Variants in PCYT1B observed in about 807,000 individuals in gnomAD.
The protein encoded by PCYT1B is choline-phosphate cytidylyltransferase B.
In PCYT1B, 10 loss-of-function variants were observed where a neutral mutation model predicts 26.4. That is an observed-to-expected ratio of 0.38 (90% CI 0.23 to 0.64). The LOEUF (loss-of-function observed/expected upper bound fraction) is 0.64. Among genes scored for constraint, PCYT1B ranks in the 30% least tolerant of loss-of-function variants. PCYT1B has a pLI of 0.56. For missense variants in PCYT1B, 161 were observed against 292.7 expected (o/e 0.55, Z 3.28); for synonymous variants, 131 against 108.4 (o/e 1.21, Z -1.29).
intron 7 of PCYT1B, among the ~76,000 whole-genome samples, chrX:24,563,642 G>A (rs761316993): frequency 1.8e-5 from 2 of 111,516 alleles, no homozygotes; most frequent in East Asian, 5.6e-4. Context: ...GGAGGCCATC[G>A]TGGCAGTATG....
intron 1 of PCYT1B, among the ~76,000 whole-genome samples, chrX:24,630,051 T>C (rs1926018092): frequency 9.0e-6 from 1 of 111,531 alleles, no homozygotes; most frequent in South Asian, 3.7e-4. Flanking sequence ...AATGCATAGA[T>C]GCTATTAACA....
At chrX:24,643,632 A>ACT (rs1926531582) in intron 1 of PCYT1B, among the ~76,000 whole-genome samples, 1 of 112,440 alleles carries the variant, frequency 8.9e-6, no homozygotes, top group Non-Finnish European at 1.9e-5. Context: ...CTAATGAAGA[A>ACT]TAAGGCAGGT....
At chrX:24,570,345 C>A (rs1403592711) in intron 7 of PCYT1B, among the ~76,000 whole-genome samples, 1 of 108,265 alleles carries the variant, frequency 9.2e-6, no homozygotes, top group African/African-American at 3.4e-5. Context: ...CCTCCGCCTC[C>A]CGGGTTCAAG....
intron 7 of PCYT1B, among the ~76,000 whole-genome samples, chrX:24,562,863 G>A (rs1268114997): frequency 9.1e-6 from 1 of 109,853 alleles, no homozygotes; most frequent in Non-Finnish European, 1.9e-5. Flanking sequence ...AAGTAGCTGG[G>A]ATTACAGGTG....
chrX:24,591,932 C>G (rs1159838650), intron 3 of PCYT1B, among the ~76,000 whole-genome samples: 1 of 111,125 alleles, frequency 9.0e-6, no homozygotes, highest in Non-Finnish European at 1.9e-5. Context: ...TGTCTTATAG[C>G]TATTTTGAAA....
intron 1 of PCYT1B, among the ~76,000 whole-genome samples, chrX:24,632,887 TAAC>T (rs759707411): frequency 2.7e-5 from 3 of 111,548 alleles, no homozygotes; most frequent in Non-Finnish European, 5.7e-5. Context: ...TGATTATAGT[TAAC>T]AACAATGTAT....
intron 1 of PCYT1B, among the ~76,000 whole-genome samples, chrX:24,641,651 G>A (rs1402488824): frequency 8.9e-6 from 1 of 112,398 alleles, no homozygotes; most frequent in Non-Finnish European, 1.9e-5. Flanking sequence ...TGTATTGCAA[G>A]CACAATATAC....
chrX:24,625,310 T>A (rs889075718), intron 1 of PCYT1B, among the ~76,000 whole-genome samples: 3 of 112,333 alleles, frequency 2.7e-5, no homozygotes, highest in African/African-American at 9.7e-5. Context: ...TTATATTTAC[T>A]TGTTTCTGAA....
intron 1 of PCYT1B, among the ~76,000 whole-genome samples, chrX:24,672,076 C>T (rs1192104484): frequency 1.8e-5 from 2 of 111,724 alleles, no homozygotes; most frequent in Non-Finnish European, 3.8e-5. Flanking sequence ...GCAGGAGAAT[C>T]GCTTGAACCC....
chrX:24,580,447 A>G (rs1361885735), intron 5 of PCYT1B, among the ~76,000 whole-genome samples: 4 of 112,174 alleles, frequency 3.6e-5, no homozygotes, highest in Non-Finnish European at 7.5e-5. Flanking sequence ...TCTGATCTAA[A>G]GGCATGCCTG....
chrX:24,632,474 C>G (rs1214688375), intron 1 of PCYT1B: 1 of 145,815 alleles, frequency 6.9e-6, no homozygotes, highest in Non-Finnish European at 1.5e-5. Flanking sequence ...ATTCCTGATG[C>G]ATTACAAGTA....
chrX:24,610,810 C>T (rs1925285043), intron 2 of PCYT1B, among the ~76,000 whole-genome samples: 1 of 111,135 alleles, frequency 9.0e-6, no homozygotes, highest in African/African-American at 3.3e-5. Flanking sequence ...CCTGATCTTT[C>T]ATCTCTTCAA....
upstream of PCYT1B, among the ~76,000 whole-genome samples, chrX:24,647,598 C>T (rs1014612656): frequency 8.9e-6 from 1 of 112,340 alleles, no homozygotes; most frequent in Non-Finnish European, 1.9e-5. Flanking sequence ...CCTAGGACGC[C>T]TTGAGAAACA....
chrX:24,616,178 G>T (rs1480021313), intron 2 of PCYT1B, among the ~76,000 whole-genome samples: 1 of 105,368 alleles, frequency 9.5e-6, no homozygotes, highest in African/African-American at 3.5e-5. Context: ...TGGGCCTGAT[G>T]CTCACCCTTT....
intron 7 of PCYT1B, among the ~76,000 whole-genome samples, chrX:24,574,364 A>G (rs1466207050): frequency 9.0e-6 from 1 of 111,657 alleles, no homozygotes; most frequent in Non-Finnish European, 1.9e-5. Context: ...GGCATGCACA[A>G]TAGAAATACC....
At chrX:24,582,665 T>A (rs1924241850) in intron 5 of PCYT1B, among the ~76,000 whole-genome samples, 1 of 112,225 alleles carries the variant, frequency 8.9e-6, no homozygotes, top group Non-Finnish European at 1.9e-5. Flanking sequence ...TTAAGCTCCA[T>A]CTTTTCATCC....
chrX:24,657,395 T>C (rs1358938218), intron 1 of PCYT1B, among the ~76,000 whole-genome samples: 1 of 112,348 alleles, frequency 8.9e-6, no homozygotes, highest in Non-Finnish European at 1.9e-5. Flanking sequence ...GCATGCCAAA[T>C]ATATTATCTG....
At chrX:24,661,257 T>G (rs1164113026) in intron 1 of PCYT1B, among the ~76,000 whole-genome samples, 1 of 112,049 alleles carries the variant, frequency 8.9e-6, no homozygotes, top group Admixed American at 9.5e-5. Context: ...ACACATTATT[T>G]TGAAAACTGG....
intron 3 of PCYT1B, among the ~76,000 whole-genome samples, chrX:24,592,815 G>A (rs1326692422): frequency 5.4e-5 from 6 of 111,592 alleles, no homozygotes; most frequent in Admixed American, 2.9e-4. Context: ...CTCAGGTCCG[G>A]GCCTTGCACT....
Sources: allele counts gnomAD v4.1 joint callset (sites outside exome capture counted in the v4.1 genomes callset), GRCh38; gene constraint gnomAD v4.1.1; transcripts MANE v1.5; gene names NCBI Gene and HGNC (gene_info 2026-07-23, HGNC 2026-07-21).